CATSPERT: variants seen among roughly 807,000 people sequenced by gnomAD.
The protein encoded by CATSPERT is cation channel sperm-associated targeting subunit tau.
chr2:201,510,383 GCAGTGAGCCAAGGTTGCACCACTGCA>G, the CATSPERT span, among the ~76,000 whole-genome samples: 1 of 152,184 alleles, frequency 6.6e-6, no homozygotes, highest in East Asian at 1.9e-4. Context: ...GGAGGAGGTT[GCAGTGAGCCAAGGTTGCACCACTGCA>G]CTCCAGCCTA....
At chr2:201,502,245 A>T in the CATSPERT span, among the ~76,000 whole-genome samples, 1 of 152,192 alleles carries the variant, frequency 6.6e-6, no homozygotes. Context: ...TACTATAAAG[A>T]TGTCACTCCA....
At chr2:201,560,931 C>T in the CATSPERT span, among the ~76,000 whole-genome samples, 3 of 152,100 alleles carry the variant, frequency 2.0e-5, no homozygotes, top group Non-Finnish European at 4.4e-5. Flanking sequence ...TACAGGTGCC[C>T]GCCACCACGC....
the CATSPERT span, chr2:201,565,761 T>A: frequency 6.2e-7 from 1 of 1,604,214 alleles, no homozygotes; most frequent in Admixed American, 1.7e-5. Flanking sequence ...GTTTTTCAAG[T>A]CGCACTACAG....
At chr2:201,548,757 T>A in the CATSPERT span, among the ~76,000 whole-genome samples, 1 of 152,068 alleles carries the variant, frequency 6.6e-6, no homozygotes, top group African/African-American at 2.4e-5. Context: ...TACAGTTTAA[T>A]CTCATTCATG....
chr2:201,573,801 C>G, the CATSPERT span, among the ~76,000 whole-genome samples: 1 of 152,018 alleles, frequency 6.6e-6, no homozygotes, highest in African/African-American at 2.4e-5. Context: ...GGATTACAGG[C>G]GCCTGCCACC....
chr2:201,577,005 A>C, the CATSPERT span, among the ~76,000 whole-genome samples: 1 of 152,194 alleles, frequency 6.6e-6, no homozygotes, highest in Non-Finnish European at 1.5e-5. Flanking sequence ...AATTTTCCAG[A>C]AACTTTTTGA....
At chr2:201,593,245 T>C in the CATSPERT span, among the ~76,000 whole-genome samples, 282 of 151,792 alleles carry the variant, frequency 1.9e-3, 1 homozygote, top group Non-Finnish European at 3.1e-3. Context: ...ATGTACCCAG[T>C]AGTCATTCAG....
chr2:201,508,698 C>T, the CATSPERT span, among the ~76,000 whole-genome samples: 4 of 152,156 alleles, frequency 2.6e-5, no homozygotes, highest in South Asian at 2.1e-4. Flanking sequence ...GAGCCATGAT[C>T]GCACTCATAA....
At chr2:201,498,124 A>G in the CATSPERT span, among the ~76,000 whole-genome samples, 1 of 152,320 alleles carries the variant, frequency 6.6e-6, no homozygotes. Flanking sequence ...GGATATATGT[A>G]TATATAAAAG....
the CATSPERT span, among the ~76,000 whole-genome samples, chr2:201,577,091 G>A: frequency 3.3e-5 from 5 of 152,226 alleles, no homozygotes; most frequent in East Asian, 1.9e-4. Context: ...AATATACAAT[G>A]AAGACTTTGT....
At chr2:201,545,600 A>ATG in the CATSPERT span, 17 of 1,235,588 alleles carry the variant, frequency 1.4e-5, no homozygotes, top group Admixed American at 2.5e-5. Flanking sequence ...GTGTTTTCAG[A>ATG]TGCCTCATCT....
At chr2:201,618,118 A>G in the CATSPERT span, among the ~76,000 whole-genome samples, 1 of 152,222 alleles carries the variant, frequency 6.6e-6, no homozygotes, top group East Asian at 1.9e-4. Context: ...GTGGGAGTGT[A>G]AACTAGTTCA....
the CATSPERT span, among the ~76,000 whole-genome samples, chr2:201,581,903 T>G: frequency 6.6e-6 from 1 of 151,974 alleles, no homozygotes; most frequent in Non-Finnish European, 1.5e-5. Context: ...AATAAATTTT[T>G]AGAAACATTA....
the CATSPERT span, among the ~76,000 whole-genome samples, chr2:201,609,277 G>C: frequency 2.0e-5 from 3 of 152,126 alleles, no homozygotes; most frequent in African/African-American, 7.2e-5. Context: ...GCATTAGACA[G>C]ATCATCTAGA....
At chr2:201,509,441 T>C in the CATSPERT span, among the ~76,000 whole-genome samples, 8 of 151,060 alleles carry the variant, frequency 5.3e-5, no homozygotes, top group African/African-American at 1.7e-4. Flanking sequence ...CTTTTTACTC[T>C]ATTGTTTCCT....
chr2:201,508,195 T>A, the CATSPERT span, among the ~76,000 whole-genome samples: 1 of 152,212 alleles, frequency 6.6e-6, no homozygotes, highest in Non-Finnish European at 1.5e-5. Context: ...ACAAATAGAT[T>A]TATTATCTTG....
chr2:201,527,899 T>C, the CATSPERT span, among the ~76,000 whole-genome samples: 1 of 151,762 alleles, frequency 6.6e-6, no homozygotes, highest in African/African-American at 2.4e-5. Flanking sequence ...AAAATAAAAA[T>C]TGACAAGTAG....
chr2:201,619,008 C>A, the CATSPERT span: 2 of 1,614,116 alleles, frequency 1.2e-6, no homozygotes, highest in South Asian at 1.1e-5. Flanking sequence ...CTTTAATGTG[C>A]ATGATATCCG....
At chr2:201,619,166 A>G in the CATSPERT span, 4 of 1,605,522 alleles carry the variant, frequency 2.5e-6, no homozygotes, top group Admixed American at 3.3e-5. Context: ...CGCCCAACCG[A>G]CGGCCCGCTA....
Sources: allele counts gnomAD v4.1 joint callset (sites outside exome capture counted in the v4.1 genomes callset), GRCh38; gene constraint gnomAD v4.1.1; transcripts MANE v1.5; gene names NCBI Gene and HGNC (gene_info 2026-07-23, HGNC 2026-07-21).